DAB1: variants seen among roughly 807,000 people sequenced by gnomAD.
DAB1 encodes DAB adaptor protein 1.
DAB1 carries 15 observed loss-of-function variants against 64.6 expected under a neutral mutation model. That is an observed-to-expected ratio of 0.23 (90% CI 0.16 to 0.36). The LOEUF is 0.36. Ranked by LOEUF, DAB1 falls within the 10% of genes least tolerant of loss-of-function variation. DAB1 has a pLI of 1.00. For synonymous variants in DAB1, 235 were observed against 251.9 expected (o/e 0.93, Z 0.64); for missense variants, 596 against 706.7 (o/e 0.84, Z 1.78).
intron 2 of DAB1, among the ~76,000 whole-genome samples, chr1:57,161,200 A>G (rs1423909957): frequency 2.0e-5 from 3 of 152,140 alleles, no homozygotes; most frequent in Non-Finnish European, 4.4e-5. Context: ...ACAAGCCAGA[A>G]AGTTCGTGCA....
At chr1:58,049,407 A>C in intron 5 of DAB1, 1 of 467,510 alleles carries the variant, frequency 2.1e-6, no homozygotes. Context: ...CTTTCCGATA[A>C]TAATTATGCT....
At chr1:57,173,153 C>T (rs1222218134) in intron 2 of DAB1, among the ~76,000 whole-genome samples, 1 of 152,128 alleles carries the variant, frequency 6.6e-6, no homozygotes, top group Non-Finnish European at 1.5e-5. Context: ...TACTTACCCC[C>T]AAAGCAGTGT....
chr1:58,004,153 T>A (rs1646546682), intron 5 of DAB1, among the ~76,000 whole-genome samples: 1 of 152,046 alleles, frequency 6.6e-6, no homozygotes, highest in East Asian at 1.9e-4. Flanking sequence ...TGAGTCACAG[T>A]TTTCTGAAAG....
intron 4 of DAB1, among the ~76,000 whole-genome samples, chr1:57,136,238 C>G (rs1033892680): frequency 2.0e-5 from 3 of 152,164 alleles, no homozygotes; most frequent in Admixed American, 6.5e-5. Context: ...TGCCAACGCA[C>G]AAAGAAATTT....
At chr1:58,322,351 G>A (rs577413253) in intron 4 of DAB1, among the ~76,000 whole-genome samples, 64 of 152,092 alleles carry the variant, frequency 4.2e-4, no homozygotes, top group Non-Finnish European at 7.7e-4. Flanking sequence ...CTGACAAAGG[G>A]CTAATATCCA....
At chr1:58,175,680 AT>A (rs1176855205) in intron 4 of DAB1, among the ~76,000 whole-genome samples, 1 of 152,198 alleles carries the variant, frequency 6.6e-6, no homozygotes, top group Non-Finnish European at 1.5e-5. Context: ...GGTTTTACAC[AT>A]AAATTTTTTG....
chr1:57,566,855 G>A (rs1421295102), intron 7 of DAB1, among the ~76,000 whole-genome samples: 1 of 152,162 alleles, frequency 6.6e-6, no homozygotes, highest in East Asian at 1.9e-4. Flanking sequence ...GTACAAGAAG[G>A]AGCTGGTACC....
chr1:58,244,249 C>T (rs1660431565), intron 4 of DAB1, among the ~76,000 whole-genome samples: 1 of 152,146 alleles, frequency 6.6e-6, no homozygotes, highest in Non-Finnish European at 1.5e-5. Context: ...AAAGCATCAG[C>T]AATAACAATG....
At chr1:58,424,863 T>C (rs1293720846) in intron 3 of DAB1, among the ~76,000 whole-genome samples, 6 of 152,066 alleles carry the variant, frequency 3.9e-5, no homozygotes. Flanking sequence ...TCTAAGCCTC[T>C]GTTTTGAGGA....
At chr1:57,347,760 A>G (rs753797559) in intron 1 of DAB1, among the ~76,000 whole-genome samples, 3 of 152,108 alleles carry the variant, frequency 2.0e-5, no homozygotes, top group Non-Finnish European at 4.4e-5. Flanking sequence ...GCCTATTCTA[A>G]TTTGGTTTTA....
intron 2 of DAB1, among the ~76,000 whole-genome samples, chr1:57,162,186 C>T (rs1331654401): frequency 6.6e-6 from 1 of 152,146 alleles, no homozygotes. Flanking sequence ...TTCTTCTGCA[C>T]CAGAAAAGTG....
chr1:57,701,072 G>A lies in DAB1; in HGVS notation n.552-51407C>T, dbSNP rs550570335. ...GGAAACAACAGGTGCTGGAGAGGAT[G>A]TGGAGAAACAGGAACACTTTTACAC... On this transcript the variant is annotated intron_variant and non_coding_transcript_variant, in intron 6 of 20. Coordinates refer to the DAB1 transcript ENST00000485760. Among the ~76,000 whole-genome samples, 778 of 152,124 alleles carry A rather than the reference G, an allele frequency of 5.1e-3. 4 individuals carry two copies. Among genetic ancestry groups the A allele is most frequent in the Non-Finnish European group, 7.2e-3 (491 of 68,016 alleles).
At chr1:57,641,080 G>C (rs776277143) in intron 7 of DAB1, among the ~76,000 whole-genome samples, 3 of 152,106 alleles carry the variant, frequency 2.0e-5, no homozygotes, top group African/African-American at 4.8e-5. Flanking sequence ...GAGTTAATTA[G>C]TGTCTTAATT....
intron 4 of DAB1, among the ~76,000 whole-genome samples, chr1:58,299,211 A>C (rs1662061644): frequency 6.6e-6 from 1 of 152,192 alleles, no homozygotes; most frequent in Non-Finnish European, 1.5e-5. Context: ...ACTAAGGCAC[A>C]AGAGATTACA....
intron 6 of DAB1, among the ~76,000 whole-genome samples, chr1:57,666,677 A>G (rs1337508062): frequency 6.6e-6 from 1 of 152,106 alleles, no homozygotes; most frequent in Non-Finnish European, 1.5e-5. Context: ...CACCTTGAAA[A>G]CACATTCATA....
chr1:58,205,375 C>T lies in DAB1; in HGVS notation n.310-54787G>A, dbSNP rs186309048. Among the ~76,000 whole-genome samples the T allele has an allele frequency of 2.2e-3, 330 of 152,308 alleles. 4 individuals are homozygous for T. The highest frequency in any genetic ancestry group is 7.4e-3 in the African/African-American group (308 of 41,558). Reference sequence around the variant, plus strand: ...GTCTTTTTACTCCATGGCTATGACCCGGTTTATTCCCACATCTGCAATAAA... The same window carrying T: ...GTCTTTTTACTCCATGGCTATGACCTGGTTTATTCCCACATCTGCAATAAA... On this transcript the variant is annotated intron_variant and non_coding_transcript_variant, in intron 4 of 20. Coordinates refer to the DAB1 transcript ENST00000485760.
chr1:57,229,019 C>T (rs1667475885), intron 2 of DAB1, among the ~76,000 whole-genome samples: 1 of 151,992 alleles, frequency 6.6e-6, no homozygotes, highest in South Asian at 2.1e-4. Context: ...TTATAAAGTT[C>T]CAAAATACTT....
At chr1:58,200,331 A>G (rs1657927409) in intron 4 of DAB1, among the ~76,000 whole-genome samples, 1 of 152,104 alleles carries the variant, frequency 6.6e-6, no homozygotes, top group African/African-American at 2.4e-5. Flanking sequence ...ACTAGAACCT[A>G]CTTCTAACTC....
intron 6 of DAB1, among the ~76,000 whole-genome samples, chr1:57,758,244 T>C (rs1419370165): frequency 6.6e-6 from 1 of 152,206 alleles, no homozygotes; most frequent in African/African-American, 2.4e-5. Context: ...ACAACTGCTT[T>C]ATGATGCTGG....
Sources: allele counts gnomAD v4.1 joint callset (sites outside exome capture counted in the v4.1 genomes callset), GRCh38; gene constraint gnomAD v4.1.1; transcripts MANE v1.5; gene names NCBI Gene and HGNC (gene_info 2026-07-23, HGNC 2026-07-21).